Variants in SERGEF observed in about 807,000 individuals in gnomAD.
The protein encoded by SERGEF is secretion regulating guanine nucleotide exchange factor.
In SERGEF, 51 loss-of-function variants were observed where a neutral mutation model predicts 50.0. That is an observed-to-expected ratio of 1.02 (90% CI 0.81 to 1.29). The LOEUF (loss-of-function observed/expected upper bound fraction) is 1.29. SERGEF is among the 50% of genes most tolerant of loss of function. SERGEF has a pLI of 0.00. For missense variants in SERGEF, 521 were observed against 557.0 expected, an observed-to-expected ratio of 0.94 and a Z score of 0.65; for synonymous variants, 205 against 212.4, an observed-to-expected ratio of 0.97 and a Z score of 0.30.
intron 9 of SERGEF, among the ~76,000 whole-genome samples, chr11:17,897,892 TAAG>T (rs1383239846): frequency 1.3e-5 from 2 of 152,180 alleles, no homozygotes; most frequent in Non-Finnish European, 2.9e-5. Flanking sequence ...TCTGCCACTC[TAAG>T]AAGACTAAGG....
At chr11:17,956,685 G>C (rs535449456) in intron 9 of SERGEF, among the ~76,000 whole-genome samples, 1 of 152,146 alleles carries the variant, frequency 6.6e-6, no homozygotes, top group Admixed American at 6.5e-5. Flanking sequence ...TGAGACACCA[G>C]ACAATTCACT....
intron 9 of SERGEF, among the ~76,000 whole-genome samples, chr11:17,879,374 C>T (rs1361500067): frequency 3.3e-5 from 5 of 152,206 alleles, no homozygotes; most frequent in African/African-American, 1.2e-4. Context: ...TAGCTCCTGG[C>T]AAGAGGAATG....
chr11:17,951,074 A>G lies in SERGEF; in HGVS notation c.1011+8396T>C, dbSNP rs1040439302. ...GATTATCAAGCATCTAGGCTCCACT[A>G]TCTTCACTGGTTCTAGTTCTAAGAA... On this transcript the variant is annotated intron_variant, in intron 9 of 10. Coordinates refer to ENST00000265965, the MANE Select transcript of SERGEF (RefSeq NM_012139.4). 2.6e-5 allele frequency among the ~76,000 whole-genome samples: 4 copies of G among 152,184 alleles called. No homozygotes were observed. In the East Asian group the frequency reaches 5.8e-4, roughly 22 times the overall value.
chr11:17,997,012 C>G (rs1014475129), intron 5 of SERGEF, among the ~76,000 whole-genome samples: 4 of 152,088 alleles, frequency 2.6e-5, no homozygotes, highest in African/African-American at 9.7e-5. Context: ...TGAGAAAAGC[C>G]TGGGCAATAT....
intron 8 of SERGEF, among the ~76,000 whole-genome samples, chr11:17,967,054 G>C (rs181942502): frequency 6.6e-6 from 1 of 152,334 alleles, no homozygotes; most frequent in Non-Finnish European, 1.5e-5. Context: ...CTAATATTTT[G>C]AGGGCTATTT....
Position 18,000,489 on chromosome 11 carries a change from A to G in SERGEF, c.508+8T>C. 1 of 1,551,002 alleles carries G rather than the reference A, an allele frequency of 6.4e-7. No homozygotes were observed. The highest frequency in any genetic ancestry group is 8.7e-7 in the Non-Finnish European group (1 of 1,146,732). On this transcript the variant is annotated splice_region_variant and intron_variant, in intron 5 of 10. Coordinates refer to ENST00000265965, the MANE Select transcript of SERGEF (RefSeq NM_012139.4). ...ATAAAAATAAAAAAATAAAGATAAG[A>G]TGATCACCTGTAGCAGCTACTGCAT...
At chr11:17,998,424 C>A (rs1853882171) in intron 5 of SERGEF, among the ~76,000 whole-genome samples, 1 of 19,544 alleles carries the variant, frequency 5.1e-5, no homozygotes. Context: ...CTTAAAAATA[C>A]ATACATACAT....
intron 9 of SERGEF, among the ~76,000 whole-genome samples, chr11:17,928,317 TAG>T (rs1373552306): frequency 3.9e-5 from 6 of 152,034 alleles, no homozygotes; most frequent in African/African-American, 1.4e-4. Flanking sequence ...TGTCTGAGCC[TAG>T]ACAGTATGGC....
At chr11:17,830,469 T>C (rs1199045636) in intron 10 of SERGEF, among the ~76,000 whole-genome samples, 1 of 152,002 alleles carries the variant, frequency 6.6e-6, no homozygotes, top group African/African-American at 2.4e-5. Context: ...ATGTCTAATA[T>C]CAAAGTGCCA....
chr11:17,794,285 A>C (rs1372217701), intron 10 of SERGEF, among the ~76,000 whole-genome samples: 1 of 152,220 alleles, frequency 6.6e-6, no homozygotes, highest in Non-Finnish European at 1.5e-5. Context: ...TCCCTCTTGC[A>C]TCCTGTCACT....
At chr11:17,930,688 G>A (rs1852335938) in intron 9 of SERGEF, among the ~76,000 whole-genome samples, 1 of 152,172 alleles carries the variant, frequency 6.6e-6, no homozygotes, top group Non-Finnish European at 1.5e-5. Context: ...AGCACAACAG[G>A]AGGACTACAC....
intron 10 of SERGEF, among the ~76,000 whole-genome samples, chr11:17,819,034 T>C (rs988200842): frequency 1.3e-5 from 2 of 152,244 alleles, no homozygotes; most frequent in African/African-American, 2.4e-5. Context: ...CTGCAATAGC[T>C]CTGTAATAAC....
intron 9 of SERGEF, among the ~76,000 whole-genome samples, chr11:17,886,188 G>A (rs1851424921): frequency 6.6e-6 from 1 of 152,022 alleles, no homozygotes; most frequent in African/African-American, 2.4e-5. Context: ...CCTAACCTCT[G>A]CTATCTACAG....
At chr11:17,928,666 C>A (rs777293756) in intron 9 of SERGEF, among the ~76,000 whole-genome samples, 1 of 152,046 alleles carries the variant, frequency 6.6e-6, no homozygotes, top group Non-Finnish European at 1.5e-5. Flanking sequence ...AAAGATCATT[C>A]GCTTGGTTTC....
At chr11:18,007,860 G>A (rs891710061) in intron 2 of SERGEF, 81 bp downstream of exon 2, 3 of 1,354,412 alleles carry the variant, frequency 2.2e-6, no homozygotes, top group Non-Finnish European at 3.0e-6. Context: ...AATACAAAAG[G>A]CTGAAAGATG....
intron 10 of SERGEF, among the ~76,000 whole-genome samples, chr11:17,834,740 T>C (rs1367585829): frequency 6.6e-6 from 1 of 152,206 alleles, no homozygotes; most frequent in African/African-American, 2.4e-5. Context: ...ACTACACCTA[T>C]TTCAATGTGT....
intron 10 of SERGEF, among the ~76,000 whole-genome samples, chr11:17,851,729 AC>A (rs1850717889): frequency 6.6e-6 from 1 of 152,204 alleles, no homozygotes; most frequent in African/African-American, 2.4e-5. Flanking sequence ...CTAGAGTAAA[AC>A]ACTTGCATTC....
At chr11:17,984,120 T>C (rs1162143313) in intron 8 of SERGEF, among the ~76,000 whole-genome samples, 1 of 152,196 alleles carries the variant, frequency 6.6e-6, no homozygotes, top group African/African-American at 2.4e-5. Flanking sequence ...ACAATGGGTT[T>C]GAAGAGATCT....
intron 6 of SERGEF, among the ~76,000 whole-genome samples, chr11:17,995,211 C>T (rs1401323867): frequency 6.6e-6 from 1 of 152,174 alleles, no homozygotes; most frequent in African/African-American, 2.4e-5. Context: ...ACCTACTCCT[C>T]GTATTTTCGC....
Sources: allele counts gnomAD v4.1 joint callset (sites outside exome capture counted in the v4.1 genomes callset), GRCh38; gene constraint gnomAD v4.1.1; transcripts MANE v1.5; gene names NCBI Gene and HGNC (gene_info 2026-07-23, HGNC 2026-07-21).